The following EPHB2 variants were observed in gnomAD, a reference collection of about 807,000 sequenced individuals.
The protein encoded by EPHB2 is EPH receptor B2.
EPHB2 carries 18 observed loss-of-function variants against 96.4 expected under a neutral mutation model. The observed-to-expected ratio is 0.19, with a 90% confidence interval of 0.13 to 0.28. EPHB2 has a LOEUF of 0.28. Among genes scored for constraint, EPHB2 ranks in the 10% least tolerant of loss-of-function variants. The pLI, the probability that EPHB2 is intolerant of heterozygous loss-of-function variation, is 1.00. For synonymous variants in EPHB2, 506 were observed against 534.1 expected, an observed-to-expected ratio of 0.95 and a Z score of 0.72; for missense variants, 989 against 1,355.4, an observed-to-expected ratio of 0.73 and a Z score of 4.25.
chr1:22,848,904 A>G (rs1179122505), intron 3 of EPHB2, among the ~76,000 whole-genome samples: 2 of 152,194 alleles, frequency 1.3e-5, no homozygotes, highest in East Asian at 1.9e-4. Flanking sequence ...TGGAGGCTCA[A>G]TCTTCTGAGC....
intron 5 of EPHB2, among the ~76,000 whole-genome samples, chr1:22,873,013 A>C (rs1638723253): frequency 6.6e-6 from 1 of 152,256 alleles, no homozygotes; most frequent in Admixed American, 6.5e-5. Flanking sequence ...CAGGGAAGGC[A>C]TTGCTGACCT....
At chr1:22,737,737 C>G (rs1231638258) in intron 1 of EPHB2, among the ~76,000 whole-genome samples, 1 of 152,216 alleles carries the variant, frequency 6.6e-6, no homozygotes, top group Non-Finnish European at 1.5e-5. Context: ...CCTCCAGTGC[C>G]TAGCACAGAG....
chr1:22,777,026 G>A (rs558744620), intron 1 of EPHB2, among the ~76,000 whole-genome samples: 5 of 152,310 alleles, frequency 3.3e-5, no homozygotes, highest in Admixed American at 1.3e-4. Context: ...GGGATATCTC[G>A]AAGCACCCGT....
At chr1:22,718,488 A>T (rs911806946) in intron 1 of EPHB2, among the ~76,000 whole-genome samples, 9 of 148,018 alleles carry the variant, frequency 6.1e-5, no homozygotes, top group Non-Finnish European at 1.3e-4. Context: ...CGGGTTCAAG[A>T]GATTTTCCTG....
At position 22,906,573 on chromosome 1, in the gene EPHB2, C is replaced by A; in HGVS notation, c.1889-137C>A. On this transcript the variant is annotated intron_variant, in intron 10 of 15. Transcript: ENST00000374630. This position sits in a 1 kb window ranked among gnomAD's most constrained non-coding sequence, Gnocchi z 4.8. ...GACCCCTGACATTCTTGAAGGGGTT[C>A]TGTGTCTGCAAGGATGAGTGGGCCA... 7.4e-7 allele frequency: 1 copy of A among 1,354,024 alleles called. No individual in the cohort carries two copies. 83.9% of individuals were successfully genotyped at this position (1,354,024 alleles called of 1,614,324 possible). A position where few individuals can be genotyped will look rare whatever the true frequency, so the allele number is the denominator to read the frequency against.
At chr1:22,815,153 G>A (rs1403953556) in intron 3 of EPHB2, among the ~76,000 whole-genome samples, 1 of 152,170 alleles carries the variant, frequency 6.6e-6, no homozygotes, top group Non-Finnish European at 1.5e-5. Flanking sequence ...GAGCCATGTG[G>A]GCCAAGACCA....
chr1:22,724,417 T>C (rs1393108560), intron 1 of EPHB2, among the ~76,000 whole-genome samples: 1 of 152,190 alleles, frequency 6.6e-6, no homozygotes, highest in Non-Finnish European at 1.5e-5. Context: ...GACTTGAGTA[T>C]TGGCAGCGAC....
chr1:22,865,703 G>A lies in EPHB2; in HGVS notation c.1303+491G>A, dbSNP rs547918444. On this transcript the variant is annotated intron_variant, in intron 5 of 15. Transcript: ENST00000374630. ...TGATGTTTGAAGCAAGGTAGGTAGA[G>A]GCAGCATCTTTCTCTTTTGCATGCA... Among the ~76,000 whole-genome samples the A allele has an allele frequency of 2.9e-4, 44 of 152,284 alleles. No homozygotes were observed. In the South Asian group the frequency reaches 8.7e-3, roughly 30 times the overall value.
intron 9 of EPHB2, among the ~76,000 whole-genome samples, chr1:22,901,591 C>T (rs944786872): frequency 1.3e-5 from 2 of 152,176 alleles, no homozygotes; most frequent in Non-Finnish European, 2.9e-5. Context: ...AGGTCCTCAC[C>T]CGACCTCGGT....
chr1:22,861,268 A>C (rs745356343), intron 3 of EPHB2, among the ~76,000 whole-genome samples: 8 of 152,216 alleles, frequency 5.3e-5, no homozygotes, highest in Non-Finnish European at 1.2e-4. Context: ...CTGCACACTA[A>C]CCACTATGTT....
intron 3 of EPHB2, among the ~76,000 whole-genome samples, chr1:22,841,532 C>T (rs1325633739): frequency 2.0e-5 from 3 of 152,222 alleles, no homozygotes; most frequent in African/African-American, 4.8e-5. Context: ...CCTCACTCCC[C>T]TCATCAGGAC....
intron 1 of EPHB2, chr1:22,775,244 G>C (rs759851184): frequency 6.4e-6 from 5 of 779,818 alleles, no homozygotes; most frequent in Non-Finnish European, 1.2e-5. Flanking sequence ...CACTTATGCA[G>C]GTTGGTTCTC....
At chr1:22,767,816 C>G (rs1296595325) in intron 1 of EPHB2, among the ~76,000 whole-genome samples, 1 of 152,226 alleles carries the variant, frequency 6.6e-6, no homozygotes, top group African/African-American at 2.4e-5. Flanking sequence ...CTGGCATTGC[C>G]TCTCAGGGTA....
chr1:22,912,620 G>C (rs1387313780), intron 15 of EPHB2, 21 bp downstream of exon 15: 2 of 1,612,542 alleles, frequency 1.2e-6, no homozygotes, highest in Admixed American at 1.7e-5. Context: ...AGCCACTTCT[G>C]CTTGTCACCT....
chr1:22,896,285 G>T, intron 8 of EPHB2, 129 bp from the exon 9 acceptor site: 4 of 1,139,500 alleles, frequency 3.5e-6, no homozygotes, highest in African/African-American at 1.5e-5. Context: ...GCCAAAAGGG[G>T]CAGGCAGGGA....
At chr1:22,823,224 C>T (rs180789885) in intron 3 of EPHB2, among the ~76,000 whole-genome samples, 60 of 152,354 alleles carry the variant, frequency 3.9e-4, no homozygotes, top group African/African-American at 1.3e-3. Flanking sequence ...CGAAACACAA[C>T]GTGCAAATGG....
At chr1:22,716,317 C>T (rs1312744139) in intron 1 of EPHB2, among the ~76,000 whole-genome samples, 2 of 152,032 alleles carry the variant, frequency 1.3e-5, no homozygotes, top group African/African-American at 2.4e-5. Flanking sequence ...TCTTCATCAG[C>T]GCCAAAGTGG....
At chr1:22,746,022 C>A (rs945973962) in intron 1 of EPHB2, among the ~76,000 whole-genome samples, 1 of 152,170 alleles carries the variant, frequency 6.6e-6, no homozygotes, top group Non-Finnish European at 1.5e-5. Flanking sequence ...GTGAGAAAGA[C>A]CTCCAAATAC....
chr1:22,742,015 C>G (rs572989923), intron 1 of EPHB2, among the ~76,000 whole-genome samples: 9 of 150,220 alleles, frequency 6.0e-5, no homozygotes, highest in Admixed American at 2.0e-4. Context: ...TGAACTCACC[C>G]TGCTACAGAT....
Sources: allele counts gnomAD v4.1 joint callset (sites outside exome capture counted in the v4.1 genomes callset), GRCh38; gene constraint gnomAD v4.1.1; non-coding constraint Gnocchi (gnomAD v3.1); transcripts MANE v1.5; gene names NCBI Gene and HGNC (gene_info 2026-07-23, HGNC 2026-07-21).